The following AUTS2 variants were observed in gnomAD, a reference collection of about 807,000 sequenced individuals.
AUTS2 encodes activator of transcription and developmental regulator AUTS2.
A neutral mutation model predicts 112.4 loss-of-function variants in AUTS2; 17 were observed. That is an observed-to-expected ratio of 0.15 (90% CI 0.10 to 0.23). The LOEUF is 0.23. Ranked by LOEUF, AUTS2 falls within the 10% of genes least tolerant of loss-of-function variation. The probability of loss-of-function intolerance (pLI) is 1.00; values close to 1 mark genes in which losing one functional copy is unlikely to be tolerated. For synonymous variants in AUTS2, 751 were observed against 702.7 expected (o/e 1.07, Z -1.09); for missense variants, 1,510 against 1,701.6 (o/e 0.89, Z 1.98).
At chr7:69,990,893 G>A (rs1798715932) in intron 2 of AUTS2, among the ~76,000 whole-genome samples, 1 of 152,164 alleles carries the variant, frequency 6.6e-6, no homozygotes, top group Non-Finnish European at 1.5e-5. Flanking sequence ...GGATTTTGGA[G>A]CATTTTGGAT....
chr7:69,792,375 G>A (rs1789652252), intron 1 of AUTS2, among the ~76,000 whole-genome samples: 1 of 151,928 alleles, frequency 6.6e-6, no homozygotes, highest in Non-Finnish European at 1.5e-5. Context: ...GAGTAGCTGG[G>A]ACTACAGGCG....
chr7:69,723,687 A>G (rs1799082741), intron 1 of AUTS2, among the ~76,000 whole-genome samples: 1 of 152,176 alleles, frequency 6.6e-6, no homozygotes. Flanking sequence ...TGCAAGAACC[A>G]CTGGTCAACT....
intron 5 of AUTS2, among the ~76,000 whole-genome samples, chr7:70,603,965 G>A (rs1200366358): frequency 6.6e-6 from 1 of 152,112 alleles, no homozygotes; most frequent in Non-Finnish European, 1.5e-5. Context: ...CCAAAGCTTG[G>A]CAAGGTGATT....
intron 1 of AUTS2, among the ~76,000 whole-genome samples, chr7:69,638,928 A>G (rs1229771631): frequency 6.6e-6 from 1 of 152,274 alleles, no homozygotes; most frequent in Non-Finnish European, 1.5e-5. Flanking sequence ...TAGCTTTTGC[A>G]TACAGTGTTT....
intron 1 of AUTS2, among the ~76,000 whole-genome samples, chr7:69,803,302 A>T (rs1459439217): frequency 2.6e-5 from 4 of 152,200 alleles, no homozygotes; most frequent in Admixed American, 2.6e-4. Flanking sequence ...TCTTGAATAA[A>T]TGCTGTCACT....
intron 1 of AUTS2, among the ~76,000 whole-genome samples, chr7:69,728,627 A>G (rs896113647): frequency 6.8e-6 from 1 of 147,946 alleles, no homozygotes; most frequent in Non-Finnish European, 1.5e-5. Flanking sequence ...CTCAAGTAAT[A>G]TGTTCTTTGG....
chr7:70,513,744 T>A (rs926126439), intron 5 of AUTS2, among the ~76,000 whole-genome samples: 7 of 150,290 alleles, frequency 4.7e-5, no homozygotes, highest in Non-Finnish European at 1.0e-4. Flanking sequence ...CACTGCAACC[T>A]CTGCTCCTGG....
chr7:69,763,755 C>G (rs924533926), intron 1 of AUTS2, among the ~76,000 whole-genome samples: 3 of 152,162 alleles, frequency 2.0e-5, no homozygotes, highest in Non-Finnish European at 4.4e-5. Context: ...TAGAACAGTG[C>G]TTGGCATGTG....
intron 1 of AUTS2, among the ~76,000 whole-genome samples, chr7:69,707,817 T>G (rs1798135079): frequency 6.6e-6 from 1 of 152,210 alleles, no homozygotes; most frequent in Non-Finnish European, 1.5e-5. Context: ...AACACTAACT[T>G]TCTTTATTAG....
At chr7:69,606,667 A>C (rs1792735854) in intron 1 of AUTS2, among the ~76,000 whole-genome samples, 1 of 152,200 alleles carries the variant, frequency 6.6e-6, no homozygotes, top group South Asian at 2.1e-4. Flanking sequence ...TGGGAGAGCA[A>C]CTGTTAATTT....
At chr7:70,577,381 T>C (rs1355828204) in intron 5 of AUTS2, among the ~76,000 whole-genome samples, 1 of 152,206 alleles carries the variant, frequency 6.6e-6, no homozygotes, top group Non-Finnish European at 1.5e-5. Flanking sequence ...TTTCCTTCTT[T>C]TCTACCAATA....
intron 4 of AUTS2, among the ~76,000 whole-genome samples, chr7:70,400,194 G>T (rs1182395225): frequency 1.3e-5 from 2 of 152,190 alleles, no homozygotes. Context: ...AAGTGAGCCT[G>T]GGTTTGAATA....
At chr7:70,460,849 T>C (rs1424083264) in intron 5 of AUTS2, among the ~76,000 whole-genome samples, 1 of 152,170 alleles carries the variant, frequency 6.6e-6, no homozygotes, top group Non-Finnish European at 1.5e-5. Flanking sequence ...GCCTGCATGG[T>C]GCCTTGCTGG....
At chr7:70,351,620 A>G (rs1017363304) in intron 4 of AUTS2, among the ~76,000 whole-genome samples, 4 of 152,224 alleles carry the variant, frequency 2.6e-5, no homozygotes, top group Admixed American at 6.5e-5. Flanking sequence ...AGCTATACCA[A>G]CTTACATTCC....
chr7:69,662,049 C>G (rs1365149166), intron 1 of AUTS2, among the ~76,000 whole-genome samples: 5 of 152,196 alleles, frequency 3.3e-5, no homozygotes, highest in Non-Finnish European at 7.4e-5. Context: ...TTATCTTGTT[C>G]TAAAGCCAGT....
chr7:69,991,612 G>A lies in AUTS2; in HGVS notation c.522+92114G>A, dbSNP rs533754261. 2.1e-3 allele frequency among the ~76,000 whole-genome samples: 327 copies of A among 152,276 alleles called. 1 individual carries two copies. The highest frequency in any genetic ancestry group is 3.4e-3 in the Middle Eastern group (1 of 294). ...ATATGTTGTTTACCACATGACAAGA[G>A]AAGAAATAAACGTTAGACATATTTC... On this transcript the variant is annotated intron_variant, in intron 2 of 18. Transcript: ENST00000342771.
chr7:70,070,408 T>TAAAA lies in AUTS2; in HGVS notation c.523-47706_523-47703dup, dbSNP rs58320845. Among the ~76,000 whole-genome samples, 26 of 128,424 alleles carry TAAAA rather than the reference T, an allele frequency of 2.0e-4. No homozygotes were observed. In the East Asian group the frequency reaches 2.5e-3, roughly 12 times the overall value. 84.3% of individuals were successfully genotyped at this position (128,424 alleles called of 152,430 possible). ...GCCAACATGGCAAAACCCCGTCTCTTAAAAAAAAAAAAAAAAAAAAATTAG... is the reference window on the plus strand; with the variant it reads ...GCCAACATGGCAAAACCCCGTCTCTTAAAAAAAAAAAAAAAAAAAAAAAAATTAG... On this transcript the variant is annotated intron_variant, in intron 2 of 18. Transcript: ENST00000342771.
intron 1 of AUTS2, among the ~76,000 whole-genome samples, chr7:69,700,780 A>G (rs182774578): frequency 4.5e-4 from 68 of 152,304 alleles, no homozygotes; most frequent in African/African-American, 1.5e-3. Flanking sequence ...TCATAGACCA[A>G]GTTTCGAGCA....
chr7:70,708,587 T>TA (rs201813481), intron 6 of AUTS2, among the ~76,000 whole-genome samples: 3,801 of 143,992 alleles, frequency 0.026, 65 homozygotes, highest in East Asian at 0.066. Flanking sequence ...ACTCACTAAT[T>TA]AAAAAAAAAA....
Sources: gnomAD v4.1 joint callset for allele counts (sites outside exome capture counted in the v4.1 genomes callset) on GRCh38, gnomAD v4.1.1 for gene constraint, MANE v1.5 for transcripts, NCBI Gene and HGNC (gene_info 2026-07-23, HGNC 2026-07-21) for gene names.